The following ADGRL3 variants were observed in gnomAD, a reference collection of about 807,000 sequenced individuals.
The protein encoded by ADGRL3 is adhesion G protein-coupled receptor L3.
In ADGRL3, 62 loss-of-function variants were observed where a neutral mutation model predicts 153.5. The observed-to-expected ratio is 0.40, with a 90% CI of 0.33 to 0.50. ADGRL3 has a LOEUF of 0.50. Ranked by LOEUF, ADGRL3 falls within the 20% of genes least tolerant of loss-of-function variation. The pLI is 0.47. For synonymous variants in ADGRL3, 710 were observed against 672.5 expected, an observed-to-expected ratio of 1.06 and a Z score of -0.86; for missense variants, 1,641 against 1,859.4, an observed-to-expected ratio of 0.88 and a Z score of 2.16.
At chr4:61,456,747 G>A (rs1352815765) in intron 2 of ADGRL3, among the ~76,000 whole-genome samples, 4 of 151,352 alleles carry the variant, frequency 2.6e-5, no homozygotes, top group Admixed American at 6.6e-5. Context: ...TGAAATATGC[G>A]TAAGAAGTCA....
intron 1 of ADGRL3, among the ~76,000 whole-genome samples, chr4:61,362,334 A>G (rs561620055): frequency 1.1e-4 from 17 of 148,650 alleles, no homozygotes; most frequent in Non-Finnish European, 2.4e-4. Context: ...AATTATATAT[A>G]TATATATATA....
At chr4:61,760,362 C>T (rs1053511560) in intron 8 of ADGRL3, among the ~76,000 whole-genome samples, 7 of 151,970 alleles carry the variant, frequency 4.6e-5, no homozygotes, top group South Asian at 2.1e-4. Context: ...CAATGGCGGG[C>T]GCCCCTCCCC....
chr4:61,998,063 A>T lies in ADGRL3; in HGVS notation c.3304-111A>T. 5 of 484,796 alleles carry T rather than the reference A, an allele frequency of 1.0e-5. No individual in the cohort carries two copies. In the East Asian group the frequency reaches 1.7e-4, roughly 16 times the overall value. 30.0% of individuals were successfully genotyped at this position (484,796 alleles called of 1,614,324 possible). ...AGTCATCTACGATCCAATTCCTTTA[A>T]AAGTGTAGTGAGACCTAATTTCCCA... On this transcript the variant is annotated intron_variant, in intron 20 of 26. Coordinates refer to ENST00000683033, the MANE Select transcript of ADGRL3 (RefSeq NM_001387552.1).
Position 61,733,522 on chromosome 4 carries a change from C to A in ADGRL3, c.1367C>A (p.Ser456Tyr). 6.2e-7 allele frequency: 1 copy of A among 1,613,274 alleles called. No homozygotes were observed. Among genetic ancestry groups the A allele is most frequent in the Admixed American group, 1.7e-5 (1 of 59,856 alleles). Residue 456 changes from serine to tyrosine, a missense_variant, in exon 8 of 27, where the codon TCT (serine) becomes TAT (tyrosine). Ser to Tyr is a moderately radical substitution (Grantham distance 144, BLOSUM62 -2). Around this residue, in one of 5 missense-constraint regions of ADGRL3, gnomAD observed 734 missense variants for 797.0 expected, o/e 0.92. Transcript: ENST00000683033. ...AATAACTATCACGTCGTGAAATATT[C>A]TTTGGATTTTGGACCTCTGGATAGT... is the stretch of plus-strand genomic sequence containing the variant. ...VWNNYHVVKY[S>Y]LDFGPLDSRS...
intron 8 of ADGRL3, among the ~76,000 whole-genome samples, chr4:61,779,689 T>C (rs1048239005): frequency 6.8e-6 from 1 of 146,208 alleles, no homozygotes; most frequent in African/African-American, 2.5e-5. Flanking sequence ...ATTCCATAGC[T>C]ACTACTAGGT....
chr4:61,370,596 A>G (rs2096501748), intron 1 of ADGRL3, among the ~76,000 whole-genome samples: 1 of 152,000 alleles, frequency 6.6e-6, no homozygotes, highest in Non-Finnish European at 1.5e-5. Context: ...TCTGAGAGAT[A>G]GTTTGTTATA....
At chr4:61,446,282 C>G (rs959702932) in intron 2 of ADGRL3, among the ~76,000 whole-genome samples, 2 of 152,092 alleles carry the variant, frequency 1.3e-5, no homozygotes. Flanking sequence ...ATGTATTCTC[C>G]CCTTCATTTC....
intron 6 of ADGRL3, among the ~76,000 whole-genome samples, chr4:61,721,462 T>C (rs188324704): frequency 6.6e-6 from 1 of 152,224 alleles, no homozygotes; most frequent in East Asian, 1.9e-4. Flanking sequence ...ACTCAACAAG[T>C]TTGCTCTTTC....
intron 5 of ADGRL3, among the ~76,000 whole-genome samples, chr4:61,623,670 AT>A (rs1311611442): frequency 1.3e-5 from 2 of 152,152 alleles, no homozygotes; most frequent in African/African-American, 4.8e-5. Flanking sequence ...TATTTACTAC[AT>A]TCTTCATATG....
At chr4:61,592,062 T>A (rs1368307129) in intron 5 of ADGRL3, among the ~76,000 whole-genome samples, 3 of 113,014 alleles carry the variant, frequency 2.7e-5, no homozygotes, top group African/African-American at 7.7e-5. Flanking sequence ...GGTGACAGAA[T>A]GAAACTGCTT....
intron 8 of ADGRL3, among the ~76,000 whole-genome samples, chr4:61,801,209 C>T (rs974779053): frequency 6.6e-6 from 1 of 152,018 alleles, no homozygotes; most frequent in East Asian, 1.9e-4. Context: ...TTGGTAAAGC[C>T]ATCTTGATAA....
chr4:61,421,493 A>C (rs2097207190), intron 2 of ADGRL3, among the ~76,000 whole-genome samples: 3 of 152,226 alleles, frequency 2.0e-5, no homozygotes, highest in Admixed American at 1.3e-4. Context: ...GCACTTTAAA[A>C]AGTACTATTT....
At chr4:61,908,008 A>G (rs1351323853) in intron 11 of ADGRL3, among the ~76,000 whole-genome samples, 1 of 152,194 alleles carries the variant, frequency 6.6e-6, no homozygotes, top group Non-Finnish European at 1.5e-5. Flanking sequence ...GAAAAGATAC[A>G]TATCAAATGA....
chr4:61,862,191 T>C (rs1224949644), intron 9 of ADGRL3, among the ~76,000 whole-genome samples: 2 of 152,176 alleles, frequency 1.3e-5, no homozygotes, highest in Non-Finnish European at 2.9e-5. Context: ...TACCATGACA[T>C]GGGTCTTTCC....
intron 6 of ADGRL3, among the ~76,000 whole-genome samples, chr4:61,681,006 G>A (rs1037816231): frequency 6.6e-6 from 1 of 152,048 alleles, no homozygotes; most frequent in African/African-American, 2.4e-5. Context: ...GAGGTTTGAT[G>A]TTCTTCCTTA....
chr4:61,953,266 T>C (rs953016809), intron 17 of ADGRL3, among the ~76,000 whole-genome samples: 2 of 152,200 alleles, frequency 1.3e-5, no homozygotes, highest in Non-Finnish European at 2.9e-5. Flanking sequence ...AACAAAATTA[T>C]ATTGGAAAAT....
intron 2 of ADGRL3, among the ~76,000 whole-genome samples, chr4:61,468,026 C>T (rs2097905643): frequency 6.6e-6 from 1 of 152,148 alleles, no homozygotes; most frequent in African/African-American, 2.4e-5. Flanking sequence ...AGGCTTTCCC[C>T]TGTAGACTTC....
intron 8 of ADGRL3, among the ~76,000 whole-genome samples, chr4:61,759,524 G>T (rs1019891041): frequency 2.6e-5 from 4 of 152,182 alleles, no homozygotes; most frequent in Admixed American, 2.6e-4. Context: ...AGCTCCATCA[G>T]GTCCTTTAAG....
chr4:61,348,582 T>C (rs1416911503), intron 1 of ADGRL3, among the ~76,000 whole-genome samples: 3 of 152,020 alleles, frequency 2.0e-5, no homozygotes, highest in Non-Finnish European at 4.4e-5. Context: ...ATTCTCAAAT[T>C]AAATTTTTAC....
Sources: gnomAD v4.1 joint callset for allele counts (sites outside exome capture counted in the v4.1 genomes callset) on GRCh38, gnomAD v4.1.1 for gene constraint, gnomAD v4.1.1 regional missense constraint, MANE v1.5 for transcripts, NCBI Gene and HGNC (gene_info 2026-07-23, HGNC 2026-07-21) for gene names.